The following PLEC variants were observed in gnomAD, a reference collection of about 807,000 sequenced individuals.
PLEC encodes the protein hemidesmosomal protein 1.
A neutral mutation model predicts 392.8 loss-of-function variants in PLEC; 216 were observed. The observed-to-expected ratio is 0.55, with a 90% CI of 0.49 to 0.62. The LOEUF is 0.62. Ranked by LOEUF, PLEC falls within the 20% of genes least tolerant of loss-of-function variation. PLEC has a pLI of 0.00. For missense variants in PLEC, 6,863 were observed against 6,563.4 expected (o/e 1.05, Z -1.58); for synonymous variants, 3,621 against 2,980.6 (o/e 1.21, Z -7.00).
intron 1 of PLEC, among the ~76,000 whole-genome samples, chr8:143,946,150 C>A (rs926952858): frequency 6.6e-6 from 1 of 152,230 alleles, no homozygotes; most frequent in East Asian, 1.9e-4. Flanking sequence ...TCTACCACTC[C>A]ACGGAGGTCC....
chr8:143,953,814 A>G, upstream of PLEC: 1 of 1,610,180 alleles, frequency 6.2e-7, no homozygotes, highest in African/African-American at 1.3e-5. Flanking sequence ...CACCAGGCAG[A>G]GTCCAGCCCC....
upstream of PLEC, chr8:143,943,899 C>G: frequency 6.2e-7 from 1 of 1,610,354 alleles, no homozygotes. Flanking sequence ...ATAGCCGCCA[C>G]GCGGAGCCGC....
chr8:143,944,072 C>T, upstream of PLEC: 1 of 795,412 alleles, frequency 1.3e-6, no homozygotes. Context: ...CCCGCCTCCT[C>T]TCCTCCTCCC....
At chr8:143,938,443 AAGGAAGAGG>A (rs1554725581) in intron 2 of PLEC, 179 bp downstream of exon 2, 1 of 1,541,088 alleles carries the variant, frequency 6.5e-7, no homozygotes, top group South Asian at 1.2e-5. Context: ...GAAAGACCAG[AAGGAAGAGG>A]AGGAAGAGAG....
chr8:143,934,853 G>A lies in PLEC; in HGVS notation c.902C>T (p.Ala301Val), dbSNP rs1828545868. ...GGAGGGGAACCTGCGTTCCTCAAAG[G>A]CGGCCGTGTGGTGTCGCATCCACTG... ...LLQWMRHHTA[A>V]FEERRFPSSF... Residue 301 changes from alanine (A) to valine (V), a missense_variant, in exon 9 of 32, where the codon GCC becomes GTC. Ala to Val is a moderately conservative substitution (Grantham distance 64, BLOSUM62 0). Coordinates refer to ENST00000345136, the MANE Select transcript of PLEC (RefSeq NM_201384.3). 1.9e-6 allele frequency: 3 copies of A among 1,611,366 alleles called. No homozygotes were observed. Among genetic ancestry groups the A allele is most frequent in the African/African-American group, 1.3e-5 (1 of 75,044 alleles).
Position 143,918,427 on chromosome 8 carries a change from C to T in PLEC, c.11394G>A (p.Arg3798=), listed in dbSNP as rs368222729. ...CGGTGGCCAGCTGGGCATCCAGCAG[C>T]CGCAGGGCCTCCTCAGTAGGGATCA... ...KELIPTEEAL[R]LLDAQLATGG... Residue 3798 remains arginine, a synonymous_variant, in exon 32 of 32, where the codon CGG becomes CGA. Transcript: ENST00000345136. 1.0e-4 allele frequency: 158 copies of T among 1,576,398 alleles called. No individual in the cohort carries two copies. The highest frequency in any genetic ancestry group is 6.6e-4 in the Middle Eastern group (4 of 6,038).
rs369536889 is a variant in PLEC at position 143,920,017 on chromosome 8, C to T, written c.9804G>A (p.Gln3268=). The T allele has an allele frequency of 3.7e-6, 6 of 1,613,252 alleles. No individual in the cohort carries two copies. The South Asian group carries it at 4.4e-5, about 12-fold the overall frequency. Residue 3268 remains glutamine, a synonymous_variant, in exon 32 of 32, where the codon CAG becomes CAA. Coordinates refer to ENST00000345136, the MANE Select transcript of PLEC (RefSeq NM_201384.3). ...CCGTGCGGAACTGACGCAACAGCTC[C>T]TGCCGCTGCTCCGCAGTGAAGTACT... The part of the protein sequence containing the change: ...SSEYFTAEQR[Q]ELLRQFRTGK...
At chr8:143,944,764 G>C in intron 1 of PLEC, 2 of 1,239,684 alleles carry the variant, frequency 1.6e-6, no homozygotes, top group Non-Finnish European at 2.0e-6. Flanking sequence ...CGGCAGCGTC[G>C]GGTGGGAGGA....
At chr8:143,973,777 C>A (rs1833559516), upstream of PLEC, among the ~76,000 whole-genome samples, 1 of 151,750 alleles carries the variant, frequency 6.6e-6, no homozygotes, top group Admixed American at 6.6e-5. This position sits in a 1 kb window ranked among gnomAD's most constrained non-coding sequence, Gnocchi z 5.6. Flanking sequence ...TCGGGTGGCC[C>A]CCGCCCAGGG....
Position 143,922,559 on chromosome 8 carries a change from C to T in PLEC, c.7370G>A (p.Arg2457His), listed in dbSNP as rs199504105. 1.7e-4 allele frequency: 274 copies of T among 1,613,302 alleles called. No individual in the cohort carries two copies. Among genetic ancestry groups the T allele is most frequent in the Admixed American group, 4.2e-4 (25 of 60,020 alleles). Residue 2457 changes from arginine to histidine, a missense_variant, in exon 31 of 32, where the codon CGT becomes CAT. Arg to His is a conservative substitution (Grantham distance 29). Coordinates refer to ENST00000345136, the MANE Select transcript of PLEC (RefSeq NM_201384.3). ...RLREAIAELE[R>H]EKEKLQQEAK... ...CTCCTGTTGGAGCTTCTCCTTCTCACGCTCCAGCTCAGCGATGGCCTCCCG... is the reference window on the plus strand; with the variant it reads ...CTCCTGTTGGAGCTTCTCCTTCTCATGCTCCAGCTCAGCGATGGCCTCCCG...
chr8:143,916,721 T>C lies in PLEC; in HGVS notation c.13100A>G (p.Lys4367Arg). Residue 4367 changes from lysine to arginine, a missense_variant, in exon 32 of 32, where the codon AAG (lysine) becomes AGG (arginine). Coordinates refer to ENST00000345136, the MANE Select transcript of PLEC (RefSeq NM_201384.3). ...CGFEDPRTKT[K>R]MSAAQALKKG... is the part of the protein sequence containing the mutation. The stretch of plus-strand genomic sequence containing the variant: ...CTTCAGGGCCTGGGCGGCCGACATC[T>C]TGGTCTTGGTGCGTGGGTCCTCGAA... 6.2e-7 allele frequency: 1 copy of C among 1,612,946 alleles called. No individual in the cohort carries two copies. The highest frequency in any genetic ancestry group is 8.5e-7 in the Non-Finnish European group (1 of 1,179,910).
In PLEC at chr8:143,973,303, C is replaced by G; in HGVS notation, c.70+100G>C. 2.8e-6 allele frequency: 4 copies of G among 1,447,880 alleles called. No individual in the cohort carries two copies. In the South Asian group the frequency reaches 4.9e-5, roughly 18 times the overall value. The allele number at this position is 1,447,880 out of a possible 1,614,324, so 89.7% of individuals were successfully genotyped here. On this transcript the variant is annotated intron_variant, in intron 1 of 31. Transcript: ENST00000356346. The surrounding 1 kb of genome is among the most constrained non-coding windows in gnomAD (Gnocchi z 5.6). ...GCGGACGAGGCCGGCGGAGTGGCCG[C>G]GCTCGGGCCGGCGATCGGGACCGCC...
In PLEC at chr8:143,920,379, T is replaced by G; in HGVS notation, c.9442A>C (p.Lys3148Gln). 1 of 1,592,318 alleles carries G rather than the reference T, an allele frequency of 6.3e-7. No homozygotes were observed. The highest frequency in any genetic ancestry group is 8.5e-7 in the Non-Finnish European group (1 of 1,172,462). The change falls in exon 32 of 32, where the codon AAG becomes CAG. Residue 3148 changes from lysine to glutamine, a missense_variant. Physicochemically the swap from Lys to Gln is moderately conservative, Grantham distance 53 (BLOSUM62 1). Transcript: ENST00000345136. ...ACATCCAGGGGCACGCGGTGGCTCT[T>G]GCTGGGGTCCACGATGCCGCCCGTG... ...LSTGGIVDPS[K>Q]SHRVPLDVAC...
Position 143,923,991 on chromosome 8 carries a change from C to T in PLEC, c.5938G>A (p.Glu1980Lys), listed in dbSNP as rs782334814. 36 of 1,585,400 alleles carry T rather than the reference C, an allele frequency of 2.3e-5. 1 individual carries two copies. Among genetic ancestry groups the T allele is most frequent in the Non-Finnish European group, 3.0e-5 (35 of 1,171,716 alleles). Residue 1980 changes from glutamate to lysine, a missense_variant, in exon 31 of 32, where the codon GAG becomes AAG. Physicochemically the swap from Glu to Lys is moderately conservative, Grantham distance 56. Coordinates refer to ENST00000345136, the MANE Select transcript of PLEC (RefSeq NM_201384.3). ...TCCTCAGCCTCACGGCGCCGCCGCT[C>T]CTCCTCCGCCGCCAGCTGCCGCTGC... is the stretch of plus-strand genomic sequence containing the variant. ...ARQRQLAAEE[E>K]RRRREAEERV...
upstream of PLEC, among the ~76,000 whole-genome samples, chr8:143,955,538 A>AAGTG (rs1454167108): frequency 6.6e-6 from 1 of 152,240 alleles, no homozygotes; most frequent in African/African-American, 2.4e-5. Flanking sequence ...CCTCAAGTGA[A>AAGTG]AGTGACAGAT....
At chr8:143,970,744 C>T (rs562738151) in intron 1 of PLEC, among the ~76,000 whole-genome samples, 2 of 152,276 alleles carry the variant, frequency 1.3e-5, no homozygotes, top group South Asian at 4.1e-4. Context: ...TAGAACTGTC[C>T]CCGCCCTGCC....
upstream of PLEC, chr8:143,958,648 C>G (rs1331804035): frequency 2.2e-6 from 1 of 454,020 alleles, no homozygotes; most frequent in African/African-American, 2.0e-5. This position sits in a 1 kb window ranked among gnomAD's most constrained non-coding sequence, Gnocchi z 4.9. Flanking sequence ...GCAGGTCCCA[C>G]CACAGCCCTG....
Position 143,931,678 on chromosome 8 carries a change from G to A in PLEC, c.2179-19C>T, listed in dbSNP as rs782584824. 3.1e-6 allele frequency: 5 copies of A among 1,592,126 alleles called. No homozygotes were observed. The highest frequency in any genetic ancestry group is 1.1e-5 in the South Asian group (1 of 87,840). ...AGAAGAACTGGGGCAGCGGGAGGGG[G>A]TCACGCCAGGCTACCTGGGACCAGA... On this transcript the variant is annotated intron_variant, in intron 18 of 31. Transcript: ENST00000345136.
At position 143,930,076 on chromosome 8, in the gene PLEC, G is replaced by A. The variant is rs782326147; in HGVS notation, c.2613-14C>T. 1 of 1,608,208 alleles carries A rather than the reference G, an allele frequency of 6.2e-7. No homozygotes were observed. The highest frequency in any genetic ancestry group is 8.5e-7 in the Non-Finnish European group (1 of 1,179,622). On this transcript the variant is annotated splice_polypyrimidine_tract_variant and intron_variant, in intron 21 of 31. Coordinates refer to ENST00000345136, the MANE Select transcript of PLEC (RefSeq NM_201384.3). ...TGGGCCTCCAGCCTGGCAGGTCAGG[G>A]CTACAGTCAGCGTCACCAGCGCCCC...
Sources: allele counts gnomAD v4.1 joint callset (sites outside exome capture counted in the v4.1 genomes callset), GRCh38; gene constraint gnomAD v4.1.1; non-coding constraint Gnocchi (gnomAD v3.1); transcripts MANE v1.5; gene names NCBI Gene and HGNC (gene_info 2026-07-23, HGNC 2026-07-21).